CCDC88C: variants seen among roughly 807,000 people sequenced by gnomAD.
CCDC88C encodes coiled-coil and HOOK domain protein 88C, also known as protein Daple.
Under a neutral mutation model 198.8 loss-of-function variants are expected in CCDC88C, and 131 were observed. The observed-to-expected ratio is 0.66, with a 90% CI of 0.57 to 0.76. The LOEUF (loss-of-function observed/expected upper bound fraction) is 0.76, where lower values mean the gene tolerates loss of function less well. CCDC88C is among the 30% of genes least tolerant of loss of function. The probability of loss-of-function intolerance (pLI) is 0.00; values close to 1 mark genes in which losing one functional copy is unlikely to be tolerated. For missense variants in CCDC88C, 2,553 were observed against 2,631.6 expected (o/e 0.97, Z 0.65); for synonymous variants, 1,166 against 1,114.7 (o/e 1.05, Z -0.92).
chr14:91,281,470 G>T lies in CCDC88C; in HGVS notation c.4686C>A (p.Asn1562Lys). Residue 1562 changes from asparagine to lysine, a missense_variant, in exon 27 of 30, where the codon AAC (asparagine) becomes AAA (lysine). Physicochemically the swap from Asn to Lys is moderately conservative, Grantham distance 94. Transcript: ENST00000389857. Reference protein sequence around the residue: ...CEPSLEFEVPNHRQYVSRPSS... With the variant: ...CEPSLEFEVPKHRQYVSRPSS... ...CTCCCTACTCACCGTACTGCCTGTG[G>T]TTGGGGACCTCAAACTCCAGGGATG... The T allele has an allele frequency of 6.2e-7, 1 of 1,613,936 alleles. No homozygotes were observed. The highest frequency in any genetic ancestry group is 8.5e-7 in the Non-Finnish European group (1 of 1,179,854).
Position 91,303,897 on chromosome 14 carries a change from C to G in CCDC88C, c.3439G>C (p.Glu1147Gln), listed in dbSNP as rs373999801. The G allele has an allele frequency of 2.5e-6, 4 of 1,612,870 alleles. No individual in the cohort carries two copies. In the South Asian group the frequency reaches 4.4e-5, roughly 18 times the overall value. ...CTCTGCAGGCTTTCGTTCTCCGTCT[C>G]CTTGGCCGTGTGGTGGTTCTGCAGC... ...TLLQNHHTAK[E>Q]TENESLQRQQ... The change falls in exon 20 of 30, where the codon GAG (glutamate) becomes CAG (glutamine). Residue 1147 changes from glutamate to glutamine, a missense_variant. Coordinates refer to ENST00000389857, the MANE Select transcript of CCDC88C (RefSeq NM_001080414.4).
At chr14:91,274,478 T>C (rs1397078265) in intron 29 of CCDC88C, among the ~76,000 whole-genome samples, 1 of 152,130 alleles carries the variant, frequency 6.6e-6, no homozygotes, top group African/African-American at 2.4e-5. Flanking sequence ...GAGGCTGACA[T>C]GGATGAAGAG....
intron 3 of CCDC88C, among the ~76,000 whole-genome samples, chr14:91,398,499 C>T (rs1265731547): frequency 6.6e-6 from 1 of 151,742 alleles, no homozygotes; most frequent in Non-Finnish European, 1.5e-5. Flanking sequence ...ACAAAAAATA[C>T]AAAAATAATT....
rs1255000756 is a variant in CCDC88C at position 91,325,972 on chromosome 14, T to C, written c.1135A>G (p.Lys379Glu). Residue 379 changes from lysine (K) to glutamate (E), a missense_variant, in exon 11 of 30, where the codon AAA (lysine) becomes GAA (glutamate). By Grantham distance (56) the Lys-to-Glu change is moderately conservative. Around this residue, in one of 2 missense-constraint regions of CCDC88C, gnomAD observed 1,260 missense variants for 1,412.0 expected, o/e 0.89. Transcript: ENST00000389857. The surrounding 1 kb of genome is among the most constrained non-coding windows in gnomAD (Gnocchi z 4.1). ...QLTAARARGD[K>E]VHELEKENLQ... ...TTCTCCTTTTCCAGCTCATGGACTT[T>C]ATCGCCCCGGGCCCGAGCAGCAGTC... is the stretch of plus-strand genomic sequence containing the variant. 3 of 1,578,944 alleles carry C rather than the reference T, an allele frequency of 1.9e-6. No homozygotes were observed. Among genetic ancestry groups the C allele is most frequent in the Admixed American group, 1.8e-5 (1 of 54,370 alleles).
chr14:91,293,693 C>G (rs745996225), intron 23 of CCDC88C, among the ~76,000 whole-genome samples: 36 of 152,088 alleles, frequency 2.4e-4, no homozygotes, highest in Non-Finnish European at 4.9e-4. Flanking sequence ...CCCTTCACAT[C>G]TGGCTGGTAA....
chr14:91,393,222 G>C (rs1366796309), intron 3 of CCDC88C, among the ~76,000 whole-genome samples: 1 of 152,170 alleles, frequency 6.6e-6, no homozygotes, highest in Non-Finnish European at 1.5e-5. Context: ...GGTCACACCA[G>C]TGTCAGGGCA....
Position 91,293,553 on chromosome 14 carries a change from C to CTCACCCGCCAGAGCTCACCTTCCCAT in CCDC88C, c.4112+619_4112+620insATGGGAAGGTGAGCTCTGGCGGGTGA, listed in dbSNP as rs1567055867. Among the ~76,000 whole-genome samples, 17 of 50,198 alleles carry CTCACCCGCCAGAGCTCACCTTCCCAT rather than the reference C, an allele frequency of 3.4e-4. 4 individuals are homozygous for CTCACCCGCCAGAGCTCACCTTCCCAT. The highest frequency in any genetic ancestry group is 7.5e-4 in the Non-Finnish European group (15 of 19,956). The allele number at this position is 50,198 out of a possible 152,430, so 32.9% of individuals were successfully genotyped here. On this transcript the variant is annotated intron_variant, in intron 23 of 29. Coordinates refer to ENST00000389857, the MANE Select transcript of CCDC88C (RefSeq NM_001080414.4). Reference sequence around the variant, plus strand: ...ACCTGCCACGGCCCACCTTCCTGTCCCCTCGCCTGCCACGGCCCACCTTCC... The same window carrying CTCACCCGCCAGAGCTCACCTTCCCAT: ...ACCTGCCACGGCCCACCTTCCTGTCCTCACCCGCCAGAGCTCACCTTCCCATCCTCGCCTGCCACGGCCCACCTTCC...
chr14:91,398,665 A>G (rs1404647498), intron 3 of CCDC88C, among the ~76,000 whole-genome samples: 2 of 152,132 alleles, frequency 1.3e-5, no homozygotes, highest in Non-Finnish European at 2.9e-5. Flanking sequence ...TCAAAAATAA[A>G]TAAATAAAAA....
intron 25 of CCDC88C, chr14:91,285,596 T>G: frequency 8.1e-7 from 1 of 1,235,942 alleles, no homozygotes; most frequent in South Asian, 1.3e-5. Flanking sequence ...TTTTAGACGC[T>G]GGCTTTTTTT....
Position 91,289,232 on chromosome 14 carries a change from C to T in CCDC88C, c.4314G>A (p.Glu1438=), listed in dbSNP as rs1187460583. 6.2e-7 allele frequency: 1 copy of T among 1,614,078 alleles called. No homozygotes were observed. Among genetic ancestry groups the T allele is most frequent in the Non-Finnish European group, 8.5e-7 (1 of 1,179,896 alleles). ...CCGCCGGCGAGGCGGGGTCTGAGGA[C>T]TCCAGCTGCCAGGGAGGGCTGTCCA... ...STVDSPPWQL[E]SSDPASPAAS... Residue 1438 remains glutamate, a synonymous_variant, in exon 25 of 30, where the codon GAG becomes GAA. Coordinates refer to ENST00000389857, the MANE Select transcript of CCDC88C (RefSeq NM_001080414.4).
In CCDC88C at chr14:91,272,313, A is replaced by G; in HGVS notation, c.*312T>C. On this transcript the variant is annotated 3_prime_UTR_variant, in exon 30 of 30. Transcript: ENST00000389857. ...GTGTTCTACTGGGACATACTGGAGT[A>G]GTGTCTGCTTTGGGGGAAGTCAGTT... 2.6e-6 allele frequency: 1 copy of G among 381,176 alleles called. No individual in the cohort carries two copies. The highest frequency in any genetic ancestry group is 4.8e-6 in the Non-Finnish European group (1 of 208,000). 23.6% of individuals were successfully genotyped at this position (381,176 alleles called of 1,614,324 possible).
intron 3 of CCDC88C, among the ~76,000 whole-genome samples, chr14:91,360,765 G>A (rs1894272258): frequency 6.6e-6 from 1 of 152,234 alleles, no homozygotes; most frequent in Admixed American, 6.5e-5. Context: ...TCACAGCCCA[G>A]TCTACCACTT....
At chr14:91,322,013 T>C (rs1892376227) in intron 12 of CCDC88C, among the ~76,000 whole-genome samples, 1 of 152,038 alleles carries the variant, frequency 6.6e-6, no homozygotes, top group Non-Finnish European at 1.5e-5. Flanking sequence ...GGCCCCCTCC[T>C]GCCACAAGCA....
At chr14:91,408,099 C>T (rs1886602673) in intron 3 of CCDC88C, 1 of 152,436 alleles carries the variant, frequency 6.6e-6, no homozygotes, top group African/African-American at 2.5e-5. Flanking sequence ...AGAGCAAATC[C>T]CCATCAGGCT....
chr14:91,335,518 C>T (rs780139823), intron 10 of CCDC88C, among the ~76,000 whole-genome samples: 6 of 152,116 alleles, frequency 3.9e-5, no homozygotes, highest in Non-Finnish European at 5.9e-5. Flanking sequence ...TCACTTTCAA[C>T]AGCACCCCCA....
chr14:91,354,829 G>C (rs935137512), intron 4 of CCDC88C, among the ~76,000 whole-genome samples: 1 of 152,190 alleles, frequency 6.6e-6, no homozygotes, highest in South Asian at 2.1e-4. Context: ...GCACCCTAAC[G>C]GGGGAAAAGT....
intron 24 of CCDC88C, 143 bp downstream of exon 24, chr14:91,290,852 A>T (rs2139745940): frequency 1.6e-6 from 1 of 615,884 alleles, no homozygotes; most frequent in African/African-American, 1.8e-5. Flanking sequence ...GGCTGGAAGG[A>T]TTCTGAACTC....
At chr14:91,306,502 C>T (rs776135198) in intron 18 of CCDC88C, among the ~76,000 whole-genome samples, 3 of 152,174 alleles carry the variant, frequency 2.0e-5, no homozygotes, top group Non-Finnish European at 4.4e-5. Flanking sequence ...GCTTTATCAT[C>T]GATCAAATAA....
rs537596463 is a variant in CCDC88C at position 91,328,785 on chromosome 14, C to T, written c.1051-2729G>A. Among the ~76,000 whole-genome samples, 5 of 152,314 alleles carry T rather than the reference C, an allele frequency of 3.3e-5. No homozygotes were observed. In the South Asian group the frequency reaches 6.2e-4, roughly 19 times the overall value. On this transcript the variant is annotated intron_variant, in intron 10 of 29. Coordinates refer to ENST00000389857, the MANE Select transcript of CCDC88C (RefSeq NM_001080414.4). ...GCGCAGCGCCTGAGACCTACAAACT[C>T]GCCAGCCGCCATCACCACCAACTCA...
Sources: gnomAD v4.1 joint callset for allele counts (sites outside exome capture counted in the v4.1 genomes callset) on GRCh38, gnomAD v4.1.1 for gene constraint, gnomAD v4.1.1 regional missense constraint, Gnocchi (gnomAD v3.1) non-coding constraint, MANE v1.5 for transcripts, NCBI Gene and HGNC (gene_info 2026-07-23, HGNC 2026-07-21) for gene names.